The following SLC9D1 variants were observed in gnomAD, a reference collection of about 807,000 sequenced individuals.
SLC9D1 encodes putative LAG1-interacting protein.
the SLC9D1 span, chr13:113,534,507 G>T: frequency 2.0e-6 from 1 of 489,692 alleles, no homozygotes; most frequent in Non-Finnish European, 3.6e-6. Flanking sequence ...CAAATCCGTG[G>T]GCCGGGTATA....
chr13:113,548,109 T>C, the SLC9D1 span, among the ~76,000 whole-genome samples: 2 of 152,168 alleles, frequency 1.3e-5, no homozygotes, highest in African/African-American at 4.8e-5. Context: ...TTGTTCAGTG[T>C]GGATTATTTA....
chr13:113,547,439 T>G, the SLC9D1 span: 1 of 1,375,594 alleles, frequency 7.3e-7, no homozygotes, highest in East Asian at 2.3e-5. Context: ...GCCCTCCCTG[T>G]GGCCCTGGTT....
chr13:113,498,559 G>T, the SLC9D1 span: 2 of 1,479,076 alleles, frequency 1.4e-6, no homozygotes, highest in Admixed American at 2.5e-5. Flanking sequence ...CACCTCCTGA[G>T]CCACTCACTA....
chr13:113,549,799 G>T, the SLC9D1 span: 2 of 595,664 alleles, frequency 3.4e-6, no homozygotes, highest in Non-Finnish European at 3.0e-6. Flanking sequence ...CTTGAATGTG[G>T]TGCCTGGATG....
the SLC9D1 span, among the ~76,000 whole-genome samples, chr13:113,497,814 T>G: frequency 2.0e-5 from 3 of 152,248 alleles, no homozygotes; most frequent in Admixed American, 6.5e-5. Flanking sequence ...AAAGTAAGAT[T>G]ATTGATTAAA....
the SLC9D1 span, among the ~76,000 whole-genome samples, chr13:113,537,871 G>C: frequency 6.6e-6 from 1 of 151,456 alleles, no homozygotes; most frequent in African/African-American, 2.4e-5. Flanking sequence ...GCATCACCCT[G>C]TCAAAAACCA....
the SLC9D1 span, chr13:113,496,091 T>C: frequency 2.3e-5 from 22 of 955,648 alleles, no homozygotes; most frequent in Non-Finnish European, 3.3e-5. Context: ...AGAGGGAGAG[T>C]GCGTGCCCAC....
At chr13:113,524,973 G>A in the SLC9D1 span, among the ~76,000 whole-genome samples, 2 of 152,072 alleles carry the variant, frequency 1.3e-5, no homozygotes, top group Non-Finnish European at 2.9e-5. Flanking sequence ...GGTTGACTGC[G>A]TGTTTTCAGG....
At chr13:113,524,601 G>T in the SLC9D1 span, among the ~76,000 whole-genome samples, 1 of 152,126 alleles carries the variant, frequency 6.6e-6, no homozygotes, top group East Asian at 1.9e-4. Flanking sequence ...CTCCCAAAGT[G>T]CTGGGATTAC....
the SLC9D1 span, chr13:113,529,649 C>CAA: frequency 3.9e-4 from 56 of 142,020 alleles, no homozygotes; most frequent in East Asian, 1.4e-3. Flanking sequence ...GACTCTATCT[C>CAA]AAAAAAAAAA....
the SLC9D1 span, chr13:113,524,174 G>A: frequency 4.4e-6 from 2 of 456,454 alleles, no homozygotes; most frequent in South Asian, 3.1e-5. Flanking sequence ...ATCAGTTGTT[G>A]AGGGAGATGG....
the SLC9D1 span, chr13:113,496,060 G>T: frequency 7.0e-7 from 1 of 1,431,234 alleles, no homozygotes; most frequent in South Asian, 1.2e-5. Context: ...GAGAGAGGGA[G>T]AGGGAGAGAG....
chr13:113,492,974 G>A, the SLC9D1 span, among the ~76,000 whole-genome samples: 2 of 152,178 alleles, frequency 1.3e-5, no homozygotes. Flanking sequence ...AGCTAAAGAT[G>A]TTTACTAATT....
the SLC9D1 span, among the ~76,000 whole-genome samples, chr13:113,495,160 G>A: frequency 6.6e-6 from 1 of 152,176 alleles, no homozygotes; most frequent in Admixed American, 6.5e-5. Context: ...CAACCAACAT[G>A]GACTCTCTTA....
the SLC9D1 span, chr13:113,547,509 C>T: frequency 5.9e-6 from 4 of 683,510 alleles, no homozygotes; most frequent in African/African-American, 7.2e-5. Flanking sequence ...CGGAGGAGGC[C>T]CACTGGGCCA....
At chr13:113,502,205 T>TTTG in the SLC9D1 span, among the ~76,000 whole-genome samples, 139 of 152,166 alleles carry the variant, frequency 9.1e-4, no homozygotes, top group South Asian at 1.7e-3. Context: ...ATTAACCGTT[T>TTTG]TTGTTGTTGT....
At chr13:113,502,243 T>C in the SLC9D1 span, among the ~76,000 whole-genome samples, 2 of 152,190 alleles carry the variant, frequency 1.3e-5, no homozygotes, top group African/African-American at 4.8e-5. Context: ...AGACAGAGTC[T>C]CGCACTGTCA....
chr13:113,498,568 T>C, the SLC9D1 span: 1,825 of 1,409,846 alleles, frequency 1.3e-3, 1 homozygote, highest in South Asian at 1.8e-3. Context: ...AGCCACTCAC[T>C]AATCAGAAGA....
At chr13:113,510,018 G>A in the SLC9D1 span, among the ~76,000 whole-genome samples, 1 of 152,224 alleles carries the variant, frequency 6.6e-6, no homozygotes, top group Non-Finnish European at 1.5e-5. Context: ...TGGGGAGAGA[G>A]TGCGTGTGCG....
Sources: gnomAD v4.1 joint callset for allele counts (sites outside exome capture counted in the v4.1 genomes callset) on GRCh38, gnomAD v4.1.1 for gene constraint, MANE v1.5 for transcripts, NCBI Gene and HGNC (gene_info 2026-07-23, HGNC 2026-07-21) for gene names.